The following PACRG variants were observed in gnomAD, a reference collection of about 807,000 sequenced individuals.
The protein encoded by PACRG is parkin coregulated gene protein.
Under a neutral mutation model 29.7 loss-of-function variants are expected in PACRG, and 29 were observed. The observed-to-expected ratio is 0.98, with a 90% CI of 0.73 to 1.33. The LOEUF is 1.33. PACRG is among the 40% of genes most tolerant of loss of function. The pLI is 0.00. For synonymous variants in PACRG, 116 were observed against 118.7 expected, an observed-to-expected ratio of 0.98 and a Z score of 0.15; for missense variants, 279 against 316.2, an observed-to-expected ratio of 0.88 and a Z score of 0.89.
chr6:162,778,174 G>A (rs981548781), intron 1 of PACRG, among the ~76,000 whole-genome samples: 8 of 152,128 alleles, frequency 5.3e-5, no homozygotes, highest in Non-Finnish European at 1.0e-4. Context: ...GCAGAGCAGC[G>A]CTGAGGCTAA....
chr6:163,195,160 C>T (rs970461300), intron 4 of PACRG, among the ~76,000 whole-genome samples: 8 of 152,204 alleles, frequency 5.3e-5, no homozygotes, highest in African/African-American at 1.9e-4. Flanking sequence ...CTTTATCCCC[C>T]CATAACAGAG....
At chr6:162,842,187 A>G (rs2128410643) in intron 2 of PACRG, among the ~76,000 whole-genome samples, 1 of 149,222 alleles carries the variant, frequency 6.7e-6, no homozygotes, top group Non-Finnish European at 1.5e-5. Context: ...TCTAATGTTG[A>G]CAGTGGGGTG....
At chr6:163,157,967 GAATCCATAGA>G (rs1249794968) in intron 4 of PACRG, among the ~76,000 whole-genome samples, 1 of 152,162 alleles carries the variant, frequency 6.6e-6, no homozygotes, top group Non-Finnish European at 1.5e-5. Context: ...AGGACCTAAA[GAATCCATAGA>G]AATGATCTAC....
At chr6:163,304,942 G>A (rs1211717558) in intron 4 of PACRG, among the ~76,000 whole-genome samples, 1 of 152,232 alleles carries the variant, frequency 6.6e-6, no homozygotes, top group Non-Finnish European at 1.5e-5. Flanking sequence ...GGTAAATCAG[G>A]AAGAGGAGGC....
chr6:162,786,746 A>G, intron 1 of PACRG, among the ~76,000 whole-genome samples: 1 of 151,802 alleles, frequency 6.6e-6, no homozygotes, highest in East Asian at 1.9e-4. Flanking sequence ...CAGTAATACA[A>G]TTTTTATTAT....
At chr6:163,030,945 C>G (rs529756083) in intron 2 of PACRG, among the ~76,000 whole-genome samples, 2 of 152,186 alleles carry the variant, frequency 1.3e-5, no homozygotes, top group Non-Finnish European at 1.5e-5. Context: ...CCTCCTATCT[C>G]ATCCTGTGAC....
At chr6:162,953,162 C>G (rs1584854401) in intron 2 of PACRG, among the ~76,000 whole-genome samples, 1 of 152,256 alleles carries the variant, frequency 6.6e-6, no homozygotes, top group Non-Finnish European at 1.5e-5. Context: ...AAATTTTACT[C>G]TCCTTATAAC....
At chr6:162,875,445 G>GCATTCATACACAGA (rs1793256984) in intron 2 of PACRG, among the ~76,000 whole-genome samples, 1 of 151,414 alleles carries the variant, frequency 6.6e-6, no homozygotes, top group Non-Finnish European at 1.5e-5. Flanking sequence ...TCACACACAG[G>GCATTCATACACAGA]CATTCATACA....
At chr6:163,262,200 G>A (rs1484399368) in intron 4 of PACRG, among the ~76,000 whole-genome samples, 1 of 152,220 alleles carries the variant, frequency 6.6e-6, no homozygotes, top group African/African-American at 2.4e-5. Context: ...GTGTTACTCA[G>A]TAGTCCTGGC....
intron 4 of PACRG, among the ~76,000 whole-genome samples, chr6:163,201,658 C>G (rs1780704201): frequency 6.6e-6 from 1 of 152,198 alleles, no homozygotes; most frequent in Non-Finnish European, 1.5e-5. Flanking sequence ...GGGCCCCCAC[C>G]CAAGGAGGGG....
chr6:163,128,239 G>C (rs1816594523), intron 4 of PACRG, among the ~76,000 whole-genome samples: 1 of 152,192 alleles, frequency 6.6e-6, no homozygotes, highest in African/African-American at 2.4e-5. Context: ...ATTGCCCTCA[G>C]TTGTAAATGG....
chr6:163,095,972 G>A (rs943336848), intron 4 of PACRG, among the ~76,000 whole-genome samples: 21 of 152,216 alleles, frequency 1.4e-4, no homozygotes, highest in South Asian at 8.3e-4. Flanking sequence ...TTTTGTGTTC[G>A]TTTCACTCCT....
At chr6:163,086,928 T>A (rs764082183) in intron 3 of PACRG, among the ~76,000 whole-genome samples, 4 of 152,054 alleles carry the variant, frequency 2.6e-5, no homozygotes, top group African/African-American at 4.8e-5. Context: ...AGCAACAAAC[T>A]AGGGGCTGTG....
At chr6:162,729,770 C>T (rs984693308) in intron 1 of PACRG, among the ~76,000 whole-genome samples, 4 of 150,766 alleles carry the variant, frequency 2.7e-5, no homozygotes, top group African/African-American at 9.8e-5. Context: ...ATTCATAATT[C>T]TTGTATCATA....
intron 3 of PACRG, among the ~76,000 whole-genome samples, chr6:163,069,540 A>T (rs1176248252): frequency 6.6e-6 from 1 of 152,168 alleles, no homozygotes; most frequent in Non-Finnish European, 1.5e-5. Context: ...GTCTTTTAAT[A>T]GCAGAATTGA....
chr6:162,847,849 C>T (rs1790534664), intron 2 of PACRG, among the ~76,000 whole-genome samples: 1 of 152,044 alleles, frequency 6.6e-6, no homozygotes, highest in Non-Finnish European at 1.5e-5. Context: ...ATTTTATATA[C>T]ATGTTGAGTG....
At chr6:162,737,625 G>A (rs545336779) in intron 1 of PACRG, among the ~76,000 whole-genome samples, 43 of 152,220 alleles carry the variant, frequency 2.8e-4, no homozygotes, top group Non-Finnish European at 4.4e-4. Context: ...CCACAACTTG[G>A]TAATATGTTT....
At chr6:162,833,668 A>T (rs1167383108) in intron 2 of PACRG, among the ~76,000 whole-genome samples, 1 of 151,966 alleles carries the variant, frequency 6.6e-6, no homozygotes, top group Non-Finnish European at 1.5e-5. Context: ...TCTTTTGAGA[A>T]TTGTTTGTTC....
chr6:163,175,330 G>A (rs111304496), intron 4 of PACRG, among the ~76,000 whole-genome samples: 1 of 152,178 alleles, frequency 6.6e-6, no homozygotes, highest in Non-Finnish European at 1.5e-5. Flanking sequence ...GACCTGAAGA[G>A]ACTTCTGTTG....
Sources: gnomAD v4.1 joint callset for allele counts (sites outside exome capture counted in the v4.1 genomes callset) on GRCh38, gnomAD v4.1.1 for gene constraint, MANE v1.5 for transcripts, NCBI Gene and HGNC (gene_info 2026-07-23, HGNC 2026-07-21) for gene names.